Variants in SYNRG observed in about 807,000 individuals in gnomAD.
SYNRG encodes synergin gamma.
In SYNRG, 37 loss-of-function variants were observed where a neutral mutation model predicts 130.9. The ratio of observed to expected loss-of-function variants is 0.28; its 90% CI spans 0.22 to 0.37. The LOEUF is 0.37. Among genes scored for constraint, SYNRG ranks in the 10% least tolerant of loss-of-function variants. The pLI is 1.00. For synonymous variants in SYNRG, 539 were observed against 568.1 expected (o/e 0.95, Z 0.73); for missense variants, 1,338 against 1,588.9 (o/e 0.84, Z 2.68).
intron 18 of SYNRG, among the ~76,000 whole-genome samples, chr17:37,538,070 A>G (rs951968943): frequency 3.3e-5 from 5 of 152,238 alleles, no homozygotes; most frequent in Non-Finnish European, 7.3e-5. Context: ...TTCTTTGATA[A>G]ACCAGTAACA....
intron 8 of SYNRG, among the ~76,000 whole-genome samples, chr17:37,575,944 G>A (rs1410045972): frequency 1.3e-5 from 2 of 150,316 alleles, no homozygotes; most frequent in Non-Finnish European, 2.9e-5. Flanking sequence ...TACATGACAA[G>A]TCATAGAAAG....
At chr17:37,539,135 G>T in intron 17 of SYNRG, 57 bp downstream of exon 17, 1 of 1,603,016 alleles carries the variant, frequency 6.2e-7, no homozygotes, top group Non-Finnish European at 8.5e-7. Context: ...AACCAAGAAG[G>T]CAAAAAGGCA....
intron 1 of SYNRG, among the ~76,000 whole-genome samples, chr17:37,606,225 C>G (rs1039696983): frequency 9.2e-5 from 14 of 152,314 alleles, no homozygotes; most frequent in African/African-American, 3.1e-4. Flanking sequence ...GTTGACTAGG[C>G]CTTCCCATCT....
Position 37,561,595 on chromosome 17 carries a change from G to A in SYNRG, c.1482-6C>T, listed in dbSNP as rs1434536809. 1.9e-6 allele frequency: 3 copies of A among 1,598,608 alleles called. No individual in the cohort carries two copies. In the African/African-American group the frequency reaches 4.0e-5, roughly 21 times the overall value. On this transcript the variant is annotated splice_region_variant and splice_polypyrimidine_tract_variant and intron_variant, in intron 11 of 21. Transcript: ENST00000612223. ...GCATCAACAAAGAAGGGGCACTGAA[G>A]GAAAAAATAAACATATTTTGATGAC...
At chr17:37,548,333 T>G (rs973878604) in intron 14 of SYNRG, among the ~76,000 whole-genome samples, 4 of 152,206 alleles carry the variant, frequency 2.6e-5, no homozygotes, top group Non-Finnish European at 5.9e-5. Context: ...ATATAATGCA[T>G]TTACACAAGG....
At chr17:37,577,292 C>A (rs2060914293) in intron 7 of SYNRG, 88 bp downstream of exon 7, 1 of 1,216,416 alleles carries the variant, frequency 8.2e-7, no homozygotes, top group African/African-American at 1.5e-5. Context: ...AATCAAGCAG[C>A]ATTCATTTGA....
At position 37,553,997 on chromosome 17, in the gene SYNRG, C is replaced by A; in HGVS notation, c.1726G>T (p.Ala576Ser). Reference sequence around the variant, plus strand: ...GGCTCTAGTGGTGATACACTATCGGCTGTTTTAAAATCGGTGAAACCATCA... The same window carrying A: ...GGCTCTAGTGGTGATACACTATCGGATGTTTTAAAATCGGTGAAACCATCA... The part of the protein sequence containing the change: ...TDDGFTDFKT[A>S]DSVSPLEPPT... Residue 576 changes from alanine to serine, a missense_variant, in exon 14 of 22, where the codon GCC becomes TCC. Ala to Ser is a moderately conservative substitution (Grantham distance 99). Coordinates refer to ENST00000612223, the MANE Select transcript of SYNRG (RefSeq NM_007247.6). 1 of 1,608,552 alleles carries A rather than the reference C, an allele frequency of 6.2e-7. No homozygotes were observed. Among genetic ancestry groups the A allele is most frequent in the Non-Finnish European group, 8.5e-7 (1 of 1,178,868 alleles).
chr17:37,596,302 G>A lies in SYNRG; in HGVS notation c.161C>T (p.Ser54Phe). 1.2e-6 allele frequency: 2 copies of A among 1,614,170 alleles called. No homozygotes were observed. The highest frequency in any genetic ancestry group is 1.1e-5 in the South Asian group (1 of 91,090). ...GCCTTGCATATTAGGCTGCATGACA[G>A]AGACCATAGGAAATCCTTGTTGCTG... ...PMQQQGFPMV[S>F]VMQPNMQGIM... The change falls in exon 3 of 22, where the codon TCT (serine) becomes TTT (phenylalanine). Residue 54 changes from serine to phenylalanine, a missense_variant. Around this residue, in one of 3 missense-constraint regions of SYNRG, gnomAD observed 184 missense variants for 217.2 expected, o/e 0.85. Coordinates refer to ENST00000612223, the MANE Select transcript of SYNRG (RefSeq NM_007247.6).
At chr17:37,571,709 C>T (rs1344475130) in intron 9 of SYNRG, 82 bp downstream of exon 9, 2 of 1,271,062 alleles carry the variant, frequency 1.6e-6, no homozygotes, top group Admixed American at 2.2e-5. Context: ...CAAGGAGTTA[C>T]ACAATGTAGT....
rs1245701772 is a variant in SYNRG at position 37,517,616 on chromosome 17, G to A, written c.*1324C>T. On this transcript the variant is annotated 3_prime_UTR_variant, in exon 22 of 22. Transcript: ENST00000612223. ...GAGCAAGACAGAATTTGTCCTGAGA[G>A]GGGAAAATAAATTATGTAAAAGCAG... 6 of 152,182 alleles carry A rather than the reference G, an allele frequency of 3.9e-5. No individual in the cohort carries two copies. Among genetic ancestry groups the A allele is most frequent in the South Asian group, 2.1e-4 (1 of 4,818 alleles). The allele number at this position is 152,182 out of a possible 1,614,324, so 9.4% of individuals were successfully genotyped here. A position where few individuals can be genotyped will look rare whatever the true frequency, so the allele number is the denominator to read the frequency against.
chr17:37,584,387 T>C (rs2146445921), intron 6 of SYNRG: 1 of 352,870 alleles, frequency 2.8e-6, no homozygotes, highest in Middle Eastern at 7.9e-4. Context: ...TTAACATATT[T>C]ATATACAGAA....
intron 9 of SYNRG, 74 bp downstream of exon 9, chr17:37,571,717 A>G: frequency 7.5e-7 from 1 of 1,332,870 alleles, no homozygotes; most frequent in East Asian, 2.4e-5. Context: ...TACACAATGT[A>G]GTAAAAAAGA....
chr17:37,536,225 AT>A (rs2057180363), intron 18 of SYNRG, 98 bp from the exon 19 acceptor site: 19 of 1,378,966 alleles, frequency 1.4e-5, no homozygotes, highest in Non-Finnish European at 1.8e-5. Flanking sequence ...GTGAGAAACA[AT>A]GGGTGTATCT....
intron 19 of SYNRG, among the ~76,000 whole-genome samples, chr17:37,525,173 T>C (rs566584749): frequency 6.6e-6 from 1 of 152,330 alleles, no homozygotes; most frequent in Admixed American, 6.5e-5. Context: ...AGATAACAGT[T>C]TGGCTGTCAT....
At chr17:37,599,299 T>C (rs1325343004) in intron 2 of SYNRG, among the ~76,000 whole-genome samples, 3 of 152,240 alleles carry the variant, frequency 2.0e-5, no homozygotes, top group African/African-American at 7.2e-5. Flanking sequence ...CCCAGTTGCA[T>C]GGCAGCATGG....
chr17:37,565,287 C>G (rs1383546276), intron 11 of SYNRG, among the ~76,000 whole-genome samples: 1 of 151,826 alleles, frequency 6.6e-6, no homozygotes, highest in African/African-American at 2.4e-5. Context: ...TAGTTTCATT[C>G]AAGGAAAGTA....
intron 14 of SYNRG, among the ~76,000 whole-genome samples, chr17:37,546,650 G>A (rs564807930): frequency 9.9e-5 from 15 of 152,248 alleles, no homozygotes; most frequent in Middle Eastern, 3.4e-3. Context: ...GGACACAGAC[G>A]GCCAAGCTCA....
chr17:37,543,661 C>A (rs2057993363), intron 14 of SYNRG, among the ~76,000 whole-genome samples: 1 of 152,190 alleles, frequency 6.6e-6, no homozygotes, highest in Non-Finnish European at 1.5e-5. Context: ...TAGCTAGTGT[C>A]TGCTCAGCAT....
rs755194640 is a variant in SYNRG at position 37,596,325 on chromosome 17, C to T, written c.138G>A (p.Gln46=). Residue 46 remains glutamine (Q), a synonymous_variant, in exon 3 of 22, where the codon CAG becomes CAA. Transcript: ENST00000612223. ...CAGAGACCATAGGAAATCCTTGTTG[C>T]TGCATCGGCATCAGGCCTGCTGAAA... is the stretch of plus-strand genomic sequence containing the variant. The part of the protein sequence containing the change: ...RPPQAGLMPM[Q]QQGFPMVSVM... 2 of 1,614,062 alleles carry T rather than the reference C, an allele frequency of 1.2e-6. No individual in the cohort carries two copies. Among genetic ancestry groups the T allele is most frequent in the South Asian group, 1.1e-5 (1 of 91,086 alleles).
Sources: gnomAD v4.1 joint callset for allele counts (sites outside exome capture counted in the v4.1 genomes callset) on GRCh38, gnomAD v4.1.1 for gene constraint, gnomAD v4.1.1 regional missense constraint, MANE v1.5 for transcripts, NCBI Gene and HGNC (gene_info 2026-07-23, HGNC 2026-07-21) for gene names.